Variants in ALX4 observed in about 807,000 individuals in gnomAD.
ALX4 encodes ALX homeobox 4, also known as homeobox protein aristaless-like 4.
In ALX4, 22 loss-of-function variants were observed where a neutral mutation model predicts 40.6. The ratio of observed to expected loss-of-function variants is 0.54; its 90% CI spans 0.39 to 0.77. The LOEUF (loss-of-function observed/expected upper bound fraction) is 0.77. ALX4 is among the 30% of genes least tolerant of loss of function. The pLI is 0.00. For synonymous variants in ALX4, 266 were observed against 240.5 expected (o/e 1.11, Z -0.98); for missense variants, 556 against 564.8 (o/e 0.98, Z 0.16).
Position 44,310,045 on chromosome 11 carries a change from G to T in ALX4, c.18C>A (p.Cys6Ter), listed in dbSNP as rs764539399. ...CGGCCGGCGACTCGCAGTAAGAGACGCAAGTCTCAGCATTCATGCCTGGCT... is the reference window on the plus strand; with the variant it reads ...CGGCCGGCGACTCGCAGTAAGAGACTCAAGTCTCAGCATTCATGCCTGGCT... MNAET[C>*]VSYCESPAAA... The change falls in exon 1 of 4, where the codon TGC becomes TGA. Residue 6 changes from cysteine (C) to a stop codon, truncating the protein, a stop_gained. Transcript: ENST00000652299. LOFTEE classifies it high-confidence loss of function. 5 of 1,597,384 alleles carry T rather than the reference G, an allele frequency of 3.1e-6. No homozygotes were observed. Among genetic ancestry groups the T allele is most frequent in the Non-Finnish European group, 4.3e-6 (5 of 1,172,214 alleles).
At chr11:44,272,558 C>T (rs913829741) in intron 2 of ALX4, among the ~76,000 whole-genome samples, 6 of 150,986 alleles carry the variant, frequency 4.0e-5, no homozygotes, top group Non-Finnish European at 4.4e-5. Flanking sequence ...GTAATCTCAG[C>T]ACTTTGGGAG....
chr11:44,293,317 A>T (rs1204470552), intron 1 of ALX4, among the ~76,000 whole-genome samples: 1 of 151,354 alleles, frequency 6.6e-6, no homozygotes, highest in East Asian at 2.0e-4. Context: ...AGTGTCTCAC[A>T]CTTGTAATCC....
At chr11:44,306,871 C>A (rs914205079) in intron 1 of ALX4, among the ~76,000 whole-genome samples, 2 of 152,132 alleles carry the variant, frequency 1.3e-5, no homozygotes, top group Non-Finnish European at 2.9e-5. Flanking sequence ...TTAGACCTAA[C>A]GCGCCTAATC....
chr11:44,294,372 C>T (rs1956390774), intron 1 of ALX4, among the ~76,000 whole-genome samples: 1 of 152,200 alleles, frequency 6.6e-6, no homozygotes, highest in Admixed American at 6.5e-5. Flanking sequence ...CTGTGCTGAT[C>T]AGAGAGGAAC....
At chr11:44,293,306 C>G (rs1057488559) in intron 1 of ALX4, among the ~76,000 whole-genome samples, 1 of 151,698 alleles carries the variant, frequency 6.6e-6, no homozygotes, top group Admixed American at 6.6e-5. Flanking sequence ...TGGCCAGGTG[C>G]AGTGTCTCAC....
At position 44,264,845 on chromosome 11, in the gene ALX4, G is replaced by T; in HGVS notation, c.*9C>A. ...TGTCCCGAGGTGGGGACGGGGCAGG[G>T]GTGCCCTGTCATGTGGCCCAGGAAA... On this transcript the variant is annotated 3_prime_UTR_variant, in exon 4 of 4. Coordinates refer to ENST00000652299, the MANE Select transcript of ALX4 (RefSeq NM_021926.4). The T allele has an allele frequency of 6.2e-7, 1 of 1,612,056 alleles. No individual in the cohort carries two copies. Among genetic ancestry groups the T allele is most frequent in the Non-Finnish European group, 8.5e-7 (1 of 1,179,564 alleles).
At chr11:44,293,272 G>C (rs763324881) in intron 1 of ALX4, among the ~76,000 whole-genome samples, 2 of 151,940 alleles carry the variant, frequency 1.3e-5, no homozygotes, top group South Asian at 4.2e-4. Flanking sequence ...ATTCAAAAAA[G>C]TCTCTTCTTT....
chr11:44,270,549 G>A (rs1417441364), intron 2 of ALX4, among the ~76,000 whole-genome samples: 1 of 152,066 alleles, frequency 6.6e-6, no homozygotes, highest in East Asian at 1.9e-4. Flanking sequence ...CCCCTTCTAT[G>A]CTCACATCTG....
intron 1 of ALX4, among the ~76,000 whole-genome samples, chr11:44,298,931 T>G (rs1237970066): frequency 1.3e-5 from 2 of 152,182 alleles, no homozygotes; most frequent in Non-Finnish European, 2.9e-5. Flanking sequence ...CATGTTCCCC[T>G]CCTGTAAGAT....
chr11:44,290,036 G>A (rs1320085396), intron 1 of ALX4, among the ~76,000 whole-genome samples: 1 of 152,212 alleles, frequency 6.6e-6, no homozygotes, highest in African/African-American at 2.4e-5. Context: ...CATACTGCCT[G>A]ATAATGGAAG....
chr11:44,301,815 T>C (rs548409476), intron 1 of ALX4, among the ~76,000 whole-genome samples: 23 of 152,262 alleles, frequency 1.5e-4, no homozygotes, highest in African/African-American at 5.5e-4. Context: ...ATGTGCTAAA[T>C]GGGGTCAGCA....
rs747909089 is a variant in ALX4, at chr11:44,275,353, C to T, written c.772G>A (p.Val258Met). 17 of 1,614,194 alleles carry T rather than the reference C, an allele frequency of 1.1e-5. No homozygotes were observed. Among genetic ancestry groups the T allele is most frequent in the African/African-American group, 2.7e-5 (2 of 75,044 alleles). Residue 258 changes from valine (V) to methionine (M), a missense_variant, in exon 2 of 4, where the codon GTG becomes ATG. Val to Met is a conservative substitution (Grantham distance 21, BLOSUM62 1). Transcript: ENST00000652299. Reference sequence around the variant, plus strand: ...CCCAGGTGGCCCTCACTGACCTGCACGCGGGCCTCAGTGAGGTCTGTCCTC... The same window carrying T: ...CCCAGGTGGCCCTCACTGACCTGCATGCGGGCCTCAGTGAGGTCTGTCCTC... ...AMRTDLTEARVQVWFQNRRAK... is the reference protein window; with the variant it reads ...AMRTDLTEARMQVWFQNRRAK...
chr11:44,296,936 G>T (rs982975916), intron 1 of ALX4, among the ~76,000 whole-genome samples: 2 of 151,294 alleles, frequency 1.3e-5, no homozygotes, highest in East Asian at 3.9e-4. Context: ...TTGAACCCGG[G>T]AGGTGGAGAT....
chr11:44,265,109 C>T lies in ALX4; in HGVS notation c.981G>A (p.Pro327=), dbSNP rs367915603. The stretch of plus-strand genomic sequence containing the variant: ...CATGAGGGGACATGCAGGCAGGCAC[C>T]GGGTCGCAGGGGACCACGCAGGCTG... ...PVPACVVPCD[P]VPACMSPHAH... The change falls in exon 4 of 4, where the codon CCG becomes CCA. Residue 327 remains proline (P), a synonymous_variant. Transcript: ENST00000652299. 49 of 1,612,234 alleles carry T rather than the reference C, an allele frequency of 3.0e-5. No individual in the cohort carries two copies. Among genetic ancestry groups the T allele is most frequent in the Middle Eastern group, 1.7e-4 (1 of 6,042 alleles).
chr11:44,303,626 C>T (rs1163900412), intron 1 of ALX4, among the ~76,000 whole-genome samples: 1 of 152,214 alleles, frequency 6.6e-6, no homozygotes, highest in Admixed American at 6.5e-5. Context: ...CCACAACTCC[C>T]TTCCATTCCT....
At chr11:44,277,620 C>G (rs1388877836) in intron 1 of ALX4, among the ~76,000 whole-genome samples, 3 of 152,248 alleles carry the variant, frequency 2.0e-5, no homozygotes, top group Non-Finnish European at 4.4e-5. Flanking sequence ...TCCAGGTCTT[C>G]TGACTCCATC....
chr11:44,304,950 A>C (rs183164057), intron 1 of ALX4, among the ~76,000 whole-genome samples: 6 of 152,342 alleles, frequency 3.9e-5, no homozygotes, highest in Admixed American at 6.5e-5. Context: ...GGAACTTCGC[A>C]TTAGAATCGG....
intron 1 of ALX4, among the ~76,000 whole-genome samples, chr11:44,288,956 T>C (rs113296157): frequency 0.034 from 5,197 of 152,256 alleles, 168 homozygotes; most frequent in Non-Finnish European, 0.049. Flanking sequence ...CCAGCTTGTG[T>C]CTGGAATTTG....
intron 1 of ALX4, among the ~76,000 whole-genome samples, chr11:44,285,161 C>A (rs1370408784): frequency 6.6e-6 from 1 of 152,192 alleles, no homozygotes; most frequent in Non-Finnish European, 1.5e-5. Context: ...GACAGGGTTT[C>A]GCCATGTTGG....
Sources: gnomAD v4.1 joint callset for allele counts (sites outside exome capture counted in the v4.1 genomes callset) on GRCh38, gnomAD v4.1.1 for gene constraint, MANE v1.5 for transcripts, NCBI Gene and HGNC (gene_info 2026-07-23, HGNC 2026-07-21) for gene names.